Variants in EPC2 observed in about 807,000 individuals in gnomAD.
EPC2 encodes the protein enhancer of polycomb 2, also known as enhancer of polycomb homolog 2.
Under a neutral mutation model 92.1 loss-of-function variants are expected in EPC2, and 14 were observed. The observed-to-expected ratio is 0.15, with a 90% CI of 0.10 to 0.24. The LOEUF (loss-of-function observed/expected upper bound fraction) is 0.24, where lower values mean the gene tolerates loss of function less well. Ranked by LOEUF, EPC2 falls within the 10% of genes least tolerant of loss-of-function variation. EPC2 has a pLI of 1.00. For synonymous variants in EPC2, 340 were observed against 334.7 expected, an observed-to-expected ratio of 1.02 and a Z score of -0.17; for missense variants, 755 against 971.5, an observed-to-expected ratio of 0.78 and a Z score of 2.96.
Position 148,645,045 on chromosome 2 carries a change from G to C in EPC2, c.28G>C (p.Ala10Pro). ...GAGTAAACTCTCCTTCCGAGCGCGG[G>C]CGCTGGACGCCGCCAAGCCGCTGCC... MSKLSFRAR[A>P]LDAAKPLPIY... The change falls in exon 1 of 14, where the codon GCG becomes CCG. Residue 10 changes from alanine (A) to proline (P), a missense_variant. Physicochemically the swap from Ala to Pro is conservative, Grantham distance 27. This residue lies in a region of EPC2 where 36 missense variants were observed against 84.0 expected (regional missense o/e 0.43). Coordinates refer to ENST00000258484, the MANE Select transcript of EPC2 (RefSeq NM_015630.4). The C allele has an allele frequency of 6.4e-7, 1 of 1,563,424 alleles. No homozygotes were observed. The highest frequency in any genetic ancestry group is 8.7e-7 in the Non-Finnish European group (1 of 1,152,788).
At chr2:148,682,329 C>G (rs569386584) in intron 1 of EPC2, among the ~76,000 whole-genome samples, 44 of 152,272 alleles carry the variant, frequency 2.9e-4, no homozygotes, top group South Asian at 2.1e-3. Context: ...CTAGTTTACA[C>G]TCCCACCAAC....
At chr2:148,708,843 C>A (rs1408292807) in intron 2 of EPC2, among the ~76,000 whole-genome samples, 1 of 152,120 alleles carries the variant, frequency 6.6e-6, no homozygotes, top group African/African-American at 2.4e-5. Context: ...TGGAACATAT[C>A]TCAAAATAGT....
At position 148,742,196 on chromosome 2, in the gene EPC2, T is replaced by C. The variant is rs145806602; in HGVS notation, c.314-1426T>C. On this transcript the variant is annotated intron_variant, in intron 2 of 13. Coordinates refer to ENST00000258484, the MANE Select transcript of EPC2 (RefSeq NM_015630.4). ...ATAACTAATACCCTGTGTACATATC[T>C]TTGTTTCTGTGTATGTTTATATGTA... Among the ~76,000 whole-genome samples, 346 of 152,326 alleles carry C rather than the reference T, an allele frequency of 2.3e-3. 3 individuals are homozygous for C. The highest frequency in any genetic ancestry group is 7.9e-3 in the African/African-American group (327 of 41,566).
chr2:148,667,154 G>A (rs1418861545), intron 1 of EPC2, among the ~76,000 whole-genome samples: 3 of 152,158 alleles, frequency 2.0e-5, no homozygotes, highest in Non-Finnish European at 4.4e-5. Flanking sequence ...GATGGGCCAC[G>A]TTATTAACAT....
At chr2:148,722,397 A>T (rs976094615) in intron 2 of EPC2, among the ~76,000 whole-genome samples, 1 of 152,200 alleles carries the variant, frequency 6.6e-6, no homozygotes, top group Non-Finnish European at 1.5e-5. Context: ...CCAACAGAAG[A>T]CATTCACACA....
rs148295984 is a variant in EPC2, at chr2:148,726,187, A to G, written c.314-17435A>G. On this transcript the variant is annotated intron_variant, in intron 2 of 13. Transcript: ENST00000258484. ...TGTATGTACCATACTGTTTTTATCA[A>G]TTAATTGGTCCATGGACATTTGGGT... 2.1e-3 allele frequency among the ~76,000 whole-genome samples: 323 copies of G among 152,276 alleles called. 3 individuals are homozygous for G. The highest frequency in any genetic ancestry group is 7.4e-3 in the African/African-American group (309 of 41,582).
In EPC2 at chr2:148,678,547, C is replaced by A. The variant is rs115068625; in HGVS notation, c.154-11667C>A. 7.2e-3 allele frequency among the ~76,000 whole-genome samples: 1,091 copies of A among 152,372 alleles called. 5 individuals are homozygous for A. Among genetic ancestry groups the A allele is most frequent in the African/African-American group, 0.025 (1,025 of 41,592 alleles). ...GCTGCAGGTCCCGAGCCCTGCCACA[C>A]GGGAAGGCAGCTAAGGCCCTGCGAG... On this transcript the variant is annotated intron_variant, in intron 1 of 13. Transcript: ENST00000258484.
intron 4 of EPC2, 22 bp downstream of exon 4, chr2:148,754,155 A>G: frequency 1.3e-6 from 2 of 1,546,908 alleles, no homozygotes; most frequent in Non-Finnish European, 1.8e-6. Flanking sequence ...ATTAGGTTTC[A>G]TTGAAGGTAG....
intron 1 of EPC2, among the ~76,000 whole-genome samples, chr2:148,688,403 G>A (rs978925891): frequency 6.6e-6 from 1 of 151,944 alleles, no homozygotes; most frequent in East Asian, 1.9e-4. Context: ...CACACACCAG[G>A]GCCTGTTGTG....
chr2:148,738,513 G>A (rs1682812006), intron 2 of EPC2, among the ~76,000 whole-genome samples: 1 of 152,166 alleles, frequency 6.6e-6, no homozygotes, highest in Non-Finnish European at 1.5e-5. Flanking sequence ...ACTTTTGATT[G>A]GTTTACATTC....
At chr2:148,663,664 T>G (rs1680994676) in intron 1 of EPC2, among the ~76,000 whole-genome samples, 1 of 149,066 alleles carries the variant, frequency 6.7e-6, no homozygotes, top group African/African-American at 2.5e-5. Flanking sequence ...CATCACTGGC[T>G]TTCTTATTCA....
chr2:148,688,256 T>A (rs1244734491), intron 1 of EPC2, among the ~76,000 whole-genome samples: 1 of 152,196 alleles, frequency 6.6e-6, no homozygotes, highest in Non-Finnish European at 1.5e-5. Context: ...TCATGTCCTT[T>A]GTAGGGACAT....
intron 2 of EPC2, among the ~76,000 whole-genome samples, chr2:148,700,422 G>A (rs917931738): frequency 6.6e-6 from 1 of 151,900 alleles, no homozygotes; most frequent in South Asian, 2.1e-4. Flanking sequence ...TCTATATCTA[G>A]ATTCATTTTT....
At chr2:148,702,155 GT>G (rs1159158714) in intron 2 of EPC2, among the ~76,000 whole-genome samples, 1 of 151,636 alleles carries the variant, frequency 6.6e-6, no homozygotes, top group Non-Finnish European at 1.5e-5. Context: ...CAGGTGGCTT[GT>G]TTTTGTAAAC....
chr2:148,653,515 G>A (rs184137958), intron 1 of EPC2, among the ~76,000 whole-genome samples: 6 of 152,246 alleles, frequency 3.9e-5, no homozygotes, highest in African/African-American at 1.4e-4. Flanking sequence ...CTTCTTACAG[G>A]GTTAACACTG....
chr2:148,695,397 A>G (rs1485262635), intron 2 of EPC2, among the ~76,000 whole-genome samples: 1 of 152,238 alleles, frequency 6.6e-6, no homozygotes, highest in Non-Finnish European at 1.5e-5. Flanking sequence ...ACACTGCTGT[A>G]CACTTCTGTA....
intron 2 of EPC2, among the ~76,000 whole-genome samples, chr2:148,700,142 A>G (rs1039318756): frequency 1.3e-5 from 2 of 152,052 alleles, no homozygotes; most frequent in Admixed American, 6.6e-5. Context: ...AGAGATATGT[A>G]TTTTGCATAT....
intron 12 of EPC2, among the ~76,000 whole-genome samples, chr2:148,784,265 A>G (rs1683816126): frequency 6.6e-6 from 1 of 152,132 alleles, no homozygotes. Flanking sequence ...ATCATCCTTC[A>G]ACTACCTCTC....
intron 1 of EPC2, among the ~76,000 whole-genome samples, chr2:148,671,760 T>C (rs115523868): frequency 9.5e-4 from 145 of 152,308 alleles, no homozygotes; most frequent in Non-Finnish European, 1.7e-3. Context: ...TTCTTAACCA[T>C]CTTTGAGTAA....
Sources: allele counts gnomAD v4.1 joint callset (sites outside exome capture counted in the v4.1 genomes callset), GRCh38; gene constraint gnomAD v4.1.1; regional missense constraint gnomAD v4.1.1; transcripts MANE v1.5; gene names NCBI Gene and HGNC (gene_info 2026-07-23, HGNC 2026-07-21).